Variants in HDAC3 observed in about 807,000 individuals in gnomAD.
HDAC3 encodes histone deacetylase 3.
A neutral mutation model predicts 62.3 loss-of-function variants in HDAC3; 21 were observed. That is an observed-to-expected ratio of 0.34 (90% CI 0.24 to 0.49). The LOEUF is 0.49. Ranked by LOEUF, HDAC3 falls within the 20% of genes least tolerant of loss-of-function variation. HDAC3 has a pLI of 0.99. For synonymous variants in HDAC3, 198 were observed against 206.5 expected (o/e 0.96, Z 0.35); for missense variants, 270 against 556.9 (o/e 0.48, Z 5.19).
chr5:141,621,295 A>T lies in HDAC3; in HGVS notation c.*173T>A. On this transcript the variant is annotated 3_prime_UTR_variant, in exon 15 of 15. Coordinates refer to ENST00000305264, the MANE Select transcript of HDAC3 (RefSeq NM_003883.4). ...AGGTACCATTGTCAGGCCTTGGGAG[A>T]GAGAGGAAAAGCAGGTAGATGGTTC... The T allele has an allele frequency of 3.1e-6, 2 of 642,126 alleles. No homozygotes were observed. Among genetic ancestry groups the T allele is most frequent in the Non-Finnish European group, 5.6e-6 (2 of 358,616 alleles). The allele number at this position is 642,126 out of a possible 1,614,324, so 39.8% of individuals were successfully genotyped here.
Position 141,636,810 on chromosome 5 carries a change from C to A in HDAC3, c.-20G>T. The A allele has an allele frequency of 6.5e-7, 1 of 1,529,880 alleles. No homozygotes were observed. The highest frequency in any genetic ancestry group is 8.8e-7 in the Non-Finnish European group (1 of 1,142,356). 94.8% of individuals were successfully genotyped at this position (1,529,880 alleles called of 1,614,324 possible). ...GGCCATGGTGCCGGCGGGAGCAGGC[C>A]CCGCACCTCCGCCGCCCGCCGCCCG... On this transcript the variant is annotated 5_prime_UTR_variant, in exon 1 of 15. Transcript: ENST00000305264.
intron 2 of HDAC3, 25 bp downstream of exon 2, chr5:141,636,523 C>G: frequency 6.2e-7 from 1 of 1,611,298 alleles, no homozygotes; most frequent in Non-Finnish European, 8.5e-7. Flanking sequence ...ACCCCCCAAC[C>G]CCCGGCCGAG....
intron 2 of HDAC3, chr5:141,635,897 C>T (rs2099905906): frequency 6.6e-6 from 1 of 152,336 alleles, no homozygotes; most frequent in Admixed American, 6.5e-5. Context: ...CATGGGCCAC[C>T]ACGCCTGGCG....
At position 141,625,180 on chromosome 5, in the gene HDAC3, A is replaced by C; in HGVS notation, c.1217+28T>G. On this transcript the variant is annotated intron_variant, in intron 14 of 14. Transcript: ENST00000305264. The surrounding 1 kb of genome is among the most constrained non-coding windows in gnomAD (Gnocchi z 4.0). ...TAAACCTCCCCAGCAAGCCTATTGA[A>C]AGTAGGCTGAAGTCCCTGCTCCCAG... 6.3e-7 allele frequency: 1 copy of C among 1,575,852 alleles called. No homozygotes were observed. The highest frequency in any genetic ancestry group is 8.6e-7 in the Non-Finnish European group (1 of 1,165,926).
intron 1 of HDAC3, 38 bp from the exon 2 acceptor site, chr5:141,636,668 C>T (rs1444258127): frequency 6.2e-7 from 1 of 1,613,008 alleles, no homozygotes; most frequent in Admixed American, 1.7e-5. Context: ...AGCTCTCACC[C>T]CTGGAGTTGC....
chr5:141,626,467 A>G lies in HDAC3; in HGVS notation c.831-184T>C. ...TACTTTATATGCTGTGTCTCAATAA[A>G]AATTTTAAAATAAAGCACAGTCCCC... On this transcript the variant is annotated intron_variant, in intron 10 of 14. Coordinates refer to ENST00000305264, the MANE Select transcript of HDAC3 (RefSeq NM_003883.4). The surrounding 1 kb of genome is among the most constrained non-coding windows in gnomAD (Gnocchi z 4.6). 5 of 602,820 alleles carry G rather than the reference A, an allele frequency of 8.3e-6. No homozygotes were observed. Among genetic ancestry groups the G allele is most frequent in the South Asian group, 7.9e-5 (4 of 50,690 alleles). 37.3% of individuals were successfully genotyped at this position (602,820 alleles called of 1,614,324 possible).
In HDAC3 at chr5:141,628,174, A is replaced by G. The variant is rs763433799; in HGVS notation, c.705T>C (p.Leu235=). The G allele has an allele frequency of 6.2e-7, 1 of 1,614,158 alleles. No homozygotes were observed. The highest frequency in any genetic ancestry group is 1.7e-5 in the Admixed American group (1 of 60,018). The change falls in exon 9 of 15, where the codon CTT becomes CTC. Residue 235 remains leucine, a synonymous_variant. Coordinates refer to ENST00000305264, the MANE Select transcript of HDAC3 (RefSeq NM_003883.4). The surrounding 1 kb of genome is among the most constrained non-coding windows in gnomAD (Gnocchi z 4.7). ...DGIDDQSYKH[L]FQPVINQVVD... ...CTACCTGGTTGATAACCGGCTGGAA[A>G]AGGTGCTTGTAACCTGGGAGAGGGC...
At position 141,625,148 on chromosome 5, in the gene HDAC3, TCCC is replaced by T; in HGVS notation, c.1217+57_1217+59del. 2 of 1,489,574 alleles carry T rather than the reference TCCC, an allele frequency of 1.3e-6. No homozygotes were observed. The highest frequency in any genetic ancestry group is 9.0e-7 in the Non-Finnish European group (1 of 1,109,916). The allele number at this position is 1,489,574 out of a possible 1,614,324, so 92.3% of individuals were successfully genotyped here. A position where few individuals can be genotyped will look rare whatever the true frequency, so the allele number is the denominator to read the frequency against. On this transcript the variant is annotated intron_variant, in intron 14 of 14. Transcript: ENST00000305264. This position sits in a 1 kb window ranked among gnomAD's most constrained non-coding sequence, Gnocchi z 4.0. ...AACTAATACCTTCCCATTTACTTTT[TCCC>T]TTTTAAACCTCCCCAGCAAGCCTAT... is the stretch of plus-strand genomic sequence containing the variant.
Position 141,621,292 on chromosome 5 carries a change from G to A in HDAC3, c.*176C>T, listed in dbSNP as rs568655240. 5 of 638,152 alleles carry A rather than the reference G, an allele frequency of 7.8e-6. No individual in the cohort carries two copies. The African/African-American group carries it at 9.3e-5, about 12-fold the overall frequency. The allele number at this position is 638,152 out of a possible 1,614,324, so 39.5% of individuals were successfully genotyped here. A position where few individuals can be genotyped will look rare whatever the true frequency, so the allele number is the denominator to read the frequency against. On this transcript the variant is annotated 3_prime_UTR_variant, in exon 15 of 15. Transcript: ENST00000305264. Reference sequence around the variant, plus strand: ...AATAGGTACCATTGTCAGGCCTTGGGAGAGAGAGGAAAAGCAGGTAGATGG... The same window carrying A: ...AATAGGTACCATTGTCAGGCCTTGGAAGAGAGAGGAAAAGCAGGTAGATGG...
intron 3 of HDAC3, among the ~76,000 whole-genome samples, chr5:141,630,802 G>A (rs1216874390): frequency 6.6e-6 from 1 of 151,794 alleles, no homozygotes; most frequent in Admixed American, 6.6e-5. Flanking sequence ...ACTACAAAAG[G>A]GTGAGTGACC....
Position 141,626,115 on chromosome 5 carries a change from G to A in HDAC3, c.921-44C>T. On this transcript the variant is annotated intron_variant, in intron 11 of 14. Coordinates refer to ENST00000305264, the MANE Select transcript of HDAC3 (RefSeq NM_003883.4). The surrounding 1 kb of genome is among the most constrained non-coding windows in gnomAD (Gnocchi z 4.6). ...GGGGAGCAGGCTGACCAAGTGGGCT[G>A]AAGGACCCATGTGGCCATATCTGAG... is the stretch of plus-strand genomic sequence containing the variant. 1.9e-6 allele frequency: 3 copies of A among 1,607,454 alleles called. No individual in the cohort carries two copies. The highest frequency in any genetic ancestry group is 8.5e-7 in the Non-Finnish European group (1 of 1,173,924).
At position 141,629,529 on chromosome 5, in the gene HDAC3, G is replaced by T; in HGVS notation, c.476+155C>A. On this transcript the variant is annotated intron_variant, in intron 6 of 14. Transcript: ENST00000305264. The surrounding 1 kb of genome is among the most constrained non-coding windows in gnomAD (Gnocchi z 5.3). ...GGCTGAAATGTGAGCAGGCAGTAGG[G>T]AATCTGCAGCAGTGGAAGAGGCAGC... The T allele has an allele frequency of 1.1e-6, 1 of 899,240 alleles. No individual in the cohort carries two copies. 55.7% of individuals were successfully genotyped at this position (899,240 alleles called of 1,614,324 possible).
chr5:141,633,217 G>A (rs1336325319), intron 3 of HDAC3, among the ~76,000 whole-genome samples: 1 of 151,998 alleles, frequency 6.6e-6, no homozygotes, highest in Non-Finnish European at 1.5e-5. Context: ...AAATTCAAGG[G>A]GGTGACAGAA....
chr5:141,626,311 G>C lies in HDAC3; in HGVS notation c.831-28C>G. On this transcript the variant is annotated intron_variant, in intron 10 of 14. Transcript: ENST00000305264. This position sits in a 1 kb window ranked among gnomAD's most constrained non-coding sequence, Gnocchi z 4.6. ...GTTAAAAGGAACCAGAGGAAGATGT[G>C]GAGGAGGTTATCAAAAGACAAGGTA... 6.4e-7 allele frequency: 1 copy of C among 1,572,838 alleles called. No individual in the cohort carries two copies. The highest frequency in any genetic ancestry group is 8.7e-7 in the Non-Finnish European group (1 of 1,143,104).
Position 141,625,522 on chromosome 5 carries a change from C to T in HDAC3, c.1060-157G>A, listed in dbSNP as rs1212738124. ...GATAGCTCTCCCTCCCCACCAACCCCAACTGCCTCTACTTTAAACTGGACT... is the reference window on the plus strand; with the variant it reads ...GATAGCTCTCCCTCCCCACCAACCCTAACTGCCTCTACTTTAAACTGGACT... On this transcript the variant is annotated intron_variant, in intron 13 of 14. Coordinates refer to ENST00000305264, the MANE Select transcript of HDAC3 (RefSeq NM_003883.4). The surrounding 1 kb of genome is among the most constrained non-coding windows in gnomAD (Gnocchi z 4.0). 1.3e-5 allele frequency among the ~76,000 whole-genome samples: 2 copies of T among 152,168 alleles called. No individual in the cohort carries two copies. The highest frequency in any genetic ancestry group is 2.9e-5 in the Non-Finnish European group (2 of 68,036).
chr5:141,631,860 AT>A (rs2099905266), intron 3 of HDAC3, among the ~76,000 whole-genome samples: 1 of 152,206 alleles, frequency 6.6e-6, no homozygotes, highest in South Asian at 2.1e-4. Flanking sequence ...AGTACCTAGT[AT>A]ATAACAGGTA....
chr5:141,624,529 C>G (rs1167541557), intron 14 of HDAC3, among the ~76,000 whole-genome samples: 1 of 147,270 alleles, frequency 6.8e-6, no homozygotes, highest in Non-Finnish European at 1.5e-5. Context: ...TGTACTCCAG[C>G]CTGGGTGACA....
intron 3 of HDAC3, among the ~76,000 whole-genome samples, chr5:141,633,718 C>G (rs1027209737): frequency 6.7e-6 from 1 of 149,714 alleles, no homozygotes; most frequent in African/African-American, 2.5e-5. Context: ...CCCAGCTACT[C>G]GGGAGTCTGA....
chr5:141,625,865 G>A lies in HDAC3; in HGVS notation c.980-101C>T, dbSNP rs999127259. The A allele has an allele frequency of 3.3e-5, 43 of 1,313,258 alleles. No homozygotes were observed. In the Admixed American group the frequency reaches 5.1e-4, roughly 16 times the overall value. 81.4% of individuals were successfully genotyped at this position (1,313,258 alleles called of 1,614,324 possible). On this transcript the variant is annotated intron_variant, in intron 12 of 14. Coordinates refer to ENST00000305264, the MANE Select transcript of HDAC3 (RefSeq NM_003883.4). This position sits in a 1 kb window ranked among gnomAD's most constrained non-coding sequence, Gnocchi z 4.0. ...CATCCAGAGCACCTACATAATAGCTGCCCAATCTCTTCCCTGCTCTGAGCC... is the reference window on the plus strand; with the variant it reads ...CATCCAGAGCACCTACATAATAGCTACCCAATCTCTTCCCTGCTCTGAGCC...
Sources: gnomAD v4.1 joint callset for allele counts (sites outside exome capture counted in the v4.1 genomes callset) on GRCh38, gnomAD v4.1.1 for gene constraint, Gnocchi (gnomAD v3.1) non-coding constraint, MANE v1.5 for transcripts, NCBI Gene and HGNC (gene_info 2026-07-23, HGNC 2026-07-21) for gene names.